The following MALRD1 variants were observed in gnomAD, a reference collection of about 807,000 sequenced individuals.
MALRD1 encodes the protein MAM and LDL-receptor class A domain-containing protein 1.
In MALRD1, 247 loss-of-function variants were observed where a neutral mutation model predicts 242.1. The ratio of observed to expected loss-of-function variants is 1.02; its 90% CI spans 0.92 to 1.13. The LOEUF (loss-of-function observed/expected upper bound fraction) is 1.13. Among genes scored for constraint, MALRD1 ranks in the 50% most tolerant of loss-of-function variants. MALRD1 has a pLI of 0.00. For missense variants in MALRD1, 2,989 were observed against 2,533.1 expected (o/e 1.18, Z -3.86); for synonymous variants, 995 against 866.6 (o/e 1.15, Z -2.60).
At chr10:19,228,043 G>A (rs1294154060) in intron 18 of MALRD1, among the ~76,000 whole-genome samples, 1 of 152,094 alleles carries the variant, frequency 6.6e-6, no homozygotes, top group Non-Finnish European at 1.5e-5. Flanking sequence ...AAAGCAGTTT[G>A]GAAGTTTCTT....
intron 18 of MALRD1, among the ~76,000 whole-genome samples, chr10:19,211,723 G>T (rs1837080582): frequency 6.8e-6 from 1 of 146,828 alleles, no homozygotes; most frequent in African/African-American, 2.5e-5. Context: ...AAAAAAGGTT[G>T]GGCAGGGTGA....
At chr10:19,155,627 G>A (rs972887655) in intron 12 of MALRD1, among the ~76,000 whole-genome samples, 1 of 152,176 alleles carries the variant, frequency 6.6e-6, no homozygotes, top group African/African-American at 2.4e-5. Flanking sequence ...TATTTCAGCA[G>A]CATATTAGAG....
chr10:19,537,255 G>GA (rs1330618419), intron 32 of MALRD1, among the ~76,000 whole-genome samples: 1 of 152,120 alleles, frequency 6.6e-6, no homozygotes, highest in Non-Finnish European at 1.5e-5. Context: ...CTGCTATATG[G>GA]AAAAGGGCTG....
At chr10:19,668,209 T>C (rs1841761561) in intron 36 of MALRD1, among the ~76,000 whole-genome samples, 1 of 152,202 alleles carries the variant, frequency 6.6e-6, no homozygotes, top group African/African-American at 2.4e-5. Flanking sequence ...AGAAACCTGT[T>C]TCATTTCCTC....
In MALRD1 at chr10:19,209,385, T is replaced by C. The variant is rs893160741; in HGVS notation, c.2696T>C (p.Met899Thr). Residue 899 changes from methionine (M) to threonine (T), a missense_variant, in exon 18 of 40, where the codon ATG becomes ACG. Physicochemically the swap from Met to Thr is moderately conservative, Grantham distance 81. Coordinates refer to ENST00000454679, the MANE Select transcript of MALRD1 (RefSeq NM_001142308.3). ...GPTPTLNTGP[M>T]KDNTLGTAKG... ...ACTCCAACACTTAACACAGGGCCAA[T>C]GAAAGATAACACTCTGGGCACAGCT... 1.3e-6 allele frequency: 2 copies of C among 1,550,904 alleles called. No individual in the cohort carries two copies. Among genetic ancestry groups the C allele is most frequent in the African/African-American group, 2.7e-5 (2 of 73,034 alleles).
At chr10:19,653,000 A>C (rs1215406584) in intron 36 of MALRD1, among the ~76,000 whole-genome samples, 1 of 152,198 alleles carries the variant, frequency 6.6e-6, no homozygotes, top group African/African-American at 2.4e-5. Flanking sequence ...AGTATGTCTA[A>C]GATTGAATTC....
At chr10:19,525,539 G>A (rs1474007021) in intron 31 of MALRD1, among the ~76,000 whole-genome samples, 1 of 152,062 alleles carries the variant, frequency 6.6e-6, no homozygotes, top group Admixed American at 6.6e-5. Context: ...TCAAAAATGT[G>A]TGCAACTCTT....
At chr10:19,113,820 CACACACACACA>C (rs1836773697) in intron 5 of MALRD1, among the ~76,000 whole-genome samples, 1 of 98,836 alleles carries the variant, frequency 1.0e-5, no homozygotes, top group Non-Finnish European at 2.2e-5. Flanking sequence ...CACACACACA[CACACACACACA>C]GACACACACA....
At chr10:19,704,751 A>T (rs1833785872) in intron 38 of MALRD1, among the ~76,000 whole-genome samples, 1 of 152,146 alleles carries the variant, frequency 6.6e-6, no homozygotes, top group African/African-American at 2.4e-5. Context: ...TATATGTTTG[A>T]CTCTGATGAA....
intron 28 of MALRD1, among the ~76,000 whole-genome samples, chr10:19,401,200 C>T (rs986221459): frequency 6.6e-6 from 1 of 152,102 alleles, no homozygotes; most frequent in African/African-American, 2.4e-5. Flanking sequence ...CTACCCTCTA[C>T]AGTCTATGTC....
At chr10:19,530,460 A>C (rs1834354899) in intron 31 of MALRD1, among the ~76,000 whole-genome samples, 1 of 52,640 alleles carries the variant, frequency 1.9e-5, no homozygotes, top group Admixed American at 3.5e-4. Flanking sequence ...ATAATATATA[A>C]TAATAAATAA....
At chr10:19,579,238 T>C (rs1564455057) in intron 33 of MALRD1, among the ~76,000 whole-genome samples, 1 of 152,158 alleles carries the variant, frequency 6.6e-6, no homozygotes, top group Non-Finnish European at 1.5e-5. Context: ...AGGTCTCTAA[T>C]AGACAATTGT....
chr10:19,104,101 T>C (rs2131336819), intron 5 of MALRD1, 26 bp downstream of exon 5: 1 of 1,161,846 alleles, frequency 8.6e-7, no homozygotes, highest in East Asian at 3.2e-5. Flanking sequence ...CTCATTTTGA[T>C]CTTTACTGTG....
intron 2 of MALRD1, among the ~76,000 whole-genome samples, chr10:19,083,936 T>C (rs187739435): frequency 2.1e-3 from 315 of 152,122 alleles, no homozygotes; most frequent in African/African-American, 7.4e-3. Flanking sequence ...AAATTCATTT[T>C]GTGGGGGAAA....
chr10:19,238,494 ATATAATATAATATATAATG>A (rs1564492714), intron 18 of MALRD1, among the ~76,000 whole-genome samples: 133 of 7,630 alleles, frequency 0.017, 16 homozygotes, highest in African/African-American at 0.053. Context: ...TATATATAAT[ATATAATATAATATATAATG>A]TATATTATAT....
Position 19,440,509 on chromosome 10 carries a change from A to G in MALRD1, c.4846-9798A>G, listed in dbSNP as rs574309293. On this transcript the variant is annotated intron_variant, in intron 28 of 39. Coordinates refer to ENST00000454679, the MANE Select transcript of MALRD1 (RefSeq NM_001142308.3). ...TCCCTCCCCCCGCAACAACCCCACA[A>G]CAGGACCCGATGTGTGATGTTCCCC... Among the ~76,000 whole-genome samples, 10 of 152,006 alleles carry G rather than the reference A, an allele frequency of 6.6e-5. No individual in the cohort carries two copies. The South Asian group carries it at 2.1e-3, about 32-fold the overall frequency.
chr10:19,118,188 A>G (rs1339195814), intron 5 of MALRD1, among the ~76,000 whole-genome samples: 1 of 152,220 alleles, frequency 6.6e-6, no homozygotes, highest in Admixed American at 6.5e-5. Context: ...AGTAGAGGAA[A>G]TAAGCCATGT....
chr10:19,665,696 C>G (rs768239933), intron 36 of MALRD1, among the ~76,000 whole-genome samples: 8 of 152,048 alleles, frequency 5.3e-5, no homozygotes, highest in Admixed American at 6.6e-5. Context: ...ACATTAACTT[C>G]TCTATGCTTT....
intron 1 of MALRD1, among the ~76,000 whole-genome samples, chr10:19,055,887 T>C (rs1002733499): frequency 6.6e-6 from 1 of 152,156 alleles, no homozygotes. Context: ...AAACCACCTA[T>C]TGCGTACTAT....
Sources: gnomAD v4.1 joint callset for allele counts (sites outside exome capture counted in the v4.1 genomes callset) on GRCh38, gnomAD v4.1.1 for gene constraint, MANE v1.5 for transcripts, NCBI Gene and HGNC (gene_info 2026-07-23, HGNC 2026-07-21) for gene names.